PCSK5: variants seen among roughly 807,000 people sequenced by gnomAD.
PCSK5 encodes proprotein convertase subtilisin/kexin type 5.
Under a neutral mutation model 233.2 loss-of-function variants are expected in PCSK5, and 129 were observed. The observed-to-expected ratio is 0.55, with a 90% CI of 0.48 to 0.64. PCSK5 has a LOEUF of 0.64. Ranked by LOEUF, PCSK5 falls within the 30% of genes least tolerant of loss-of-function variation. PCSK5 has a pLI of 0.00. For synonymous variants in PCSK5, 825 were observed against 879.2 expected, an observed-to-expected ratio of 0.94 and a Z score of 1.09; for missense variants, 2,076 against 2,430.1, an observed-to-expected ratio of 0.85 and a Z score of 3.06.
chr9:76,062,349 G>A (rs557588519), intron 5 of PCSK5, among the ~76,000 whole-genome samples: 1 of 152,244 alleles, frequency 6.6e-6, no homozygotes, highest in Admixed American at 6.5e-5. Context: ...AGATATGACA[G>A]GGAAGAAATT....
intron 24 of PCSK5, among the ~76,000 whole-genome samples, chr9:76,253,478 AC>A (rs1826882803): frequency 6.6e-6 from 1 of 152,214 alleles, no homozygotes; most frequent in Non-Finnish European, 1.5e-5. Context: ...AAGACATAAA[AC>A]CTTTAAAAAA....
intron 20 of PCSK5, among the ~76,000 whole-genome samples, chr9:76,204,479 T>C (rs534818371): frequency 1.3e-5 from 2 of 151,970 alleles, no homozygotes; most frequent in South Asian, 4.2e-4. Context: ...CTTCTCTCTC[T>C]CTTTCTCTCC....
chr9:76,079,742 C>A (rs1374831840), intron 7 of PCSK5, among the ~76,000 whole-genome samples: 3 of 152,104 alleles, frequency 2.0e-5, no homozygotes. Context: ...TGTCTTGTTT[C>A]GGTTCTCAAG....
At chr9:76,206,151 G>T (rs1564107591) in intron 20 of PCSK5, among the ~76,000 whole-genome samples, 1 of 152,108 alleles carries the variant, frequency 6.6e-6, no homozygotes, top group Non-Finnish European at 1.5e-5. Flanking sequence ...ATCCGAGGTG[G>T]AATCTGAGAA....
chr9:76,295,349 G>C lies in PCSK5; in HGVS notation c.3260G>C (p.Ser1087Thr), dbSNP rs951516061. 6.2e-7 allele frequency: 1 copy of C among 1,612,190 alleles called. No homozygotes were observed. The highest frequency in any genetic ancestry group is 8.5e-7 in the Non-Finnish European group (1 of 1,179,330). ...GAAGTGGAATGCAAGGCGTGTGATA[G>C]TAACTGTGGCAGCTGTGACCAGAAT... ...SEEVECKACD[S>T]NCGSCDQNGC... The change falls in exon 26 of 38, where the codon AGT (serine) becomes ACT (threonine). Residue 1087 changes from serine to threonine, a missense_variant. Ser to Thr is a moderately conservative substitution (Grantham distance 58). Transcript: ENST00000674117.
intron 20 of PCSK5, among the ~76,000 whole-genome samples, chr9:76,206,917 G>T (rs1825137887): frequency 6.6e-6 from 1 of 152,068 alleles, no homozygotes; most frequent in African/African-American, 2.4e-5. Flanking sequence ...CAGCAATCAG[G>T]GTTTCAGTAG....
chr9:76,121,487 C>T (rs1272086328), intron 9 of PCSK5, among the ~76,000 whole-genome samples: 2 of 152,046 alleles, frequency 1.3e-5, no homozygotes, highest in Non-Finnish European at 2.9e-5. Flanking sequence ...TAGTTGTGTA[C>T]CTACAGCAGA....
chr9:75,926,377 TG>T (rs1823489708), intron 1 of PCSK5, among the ~76,000 whole-genome samples: 1 of 152,180 alleles, frequency 6.6e-6, no homozygotes, highest in Non-Finnish European at 1.5e-5. Context: ...AGCCCTAATT[TG>T]TGACCTTTGC....
chr9:76,102,999 A>AT, intron 8 of PCSK5, among the ~76,000 whole-genome samples: 1 of 152,162 alleles, frequency 6.6e-6, no homozygotes, highest in East Asian at 1.9e-4. Flanking sequence ...AAAATCTTCT[A>AT]TTTGTACTTC....
intron 10 of PCSK5, among the ~76,000 whole-genome samples, chr9:76,137,499 TC>T (rs1269334903): frequency 6.6e-6 from 1 of 152,124 alleles, no homozygotes; most frequent in East Asian, 1.9e-4. Context: ...AATTAAAATA[TC>T]TTTTCTGGTA....
intron 24 of PCSK5, among the ~76,000 whole-genome samples, chr9:76,256,278 C>T (rs779180110): frequency 8.5e-5 from 13 of 152,194 alleles, no homozygotes; most frequent in Admixed American, 1.3e-4. Context: ...CCCCCGGAGC[C>T]GGGTATAATC....
chr9:76,344,972 C>A (rs949563166), intron 35 of PCSK5, among the ~76,000 whole-genome samples: 2 of 152,082 alleles, frequency 1.3e-5, no homozygotes, highest in Non-Finnish European at 2.9e-5. Flanking sequence ...TGAAAAACAA[C>A]AAATTTTTTT....
At position 76,358,647 on chromosome 9, in the gene PCSK5, C is replaced by T. The variant is rs775532268; in HGVS notation, c.5389C>T (p.Arg1797Ter). Reference protein sequence around the residue: ...AVVVWKKSRGRVQPAAKAGYE... With the variant: ...AVVVWKKSRG ...GGTAGTGTGGAAGAAATCTCGTGGC[C>T]GAGTCCAGCCAGCAGCAAAGGCCGG... Residue 1797 changes from arginine to a stop codon, truncating the protein, a stop_gained, in exon 38 of 38, where the codon CGA becomes TGA. Coordinates refer to ENST00000674117, the MANE Select transcript of PCSK5 (RefSeq NM_001372043.1). LOFTEE classifies it high-confidence loss of function. 14 of 1,612,560 alleles carry T rather than the reference C, an allele frequency of 8.7e-6. No homozygotes were observed. The highest frequency in any genetic ancestry group is 1.1e-5 in the South Asian group (1 of 91,076).
intron 30 of PCSK5, among the ~76,000 whole-genome samples, chr9:76,314,148 A>G (rs1244747107): frequency 6.6e-6 from 1 of 152,230 alleles, no homozygotes; most frequent in Non-Finnish European, 1.5e-5. Context: ...GCTTTACTCA[A>G]GTTAGTTGAC....
chr9:76,025,797 GCATT>G (rs931543263), intron 4 of PCSK5, among the ~76,000 whole-genome samples: 7 of 152,068 alleles, frequency 4.6e-5, no homozygotes, highest in Non-Finnish European at 7.4e-5. Flanking sequence ...TTTGAAGTAA[GCATT>G]CATTAAGTAC....
At chr9:75,971,775 GT>G (rs143114049) in intron 2 of PCSK5, among the ~76,000 whole-genome samples, 29,765 of 148,466 alleles carry the variant, frequency 0.2, 3,531 homozygotes, top group East Asian at 0.47. Context: ...TTTTTAATAG[GT>G]TTTTTTTTTT....
At chr9:76,054,969 A>T (rs1310085635) in intron 5 of PCSK5, among the ~76,000 whole-genome samples, 1 of 152,174 alleles carries the variant, frequency 6.6e-6, no homozygotes, top group African/African-American at 2.4e-5. Context: ...ATCTATTATT[A>T]CTCAATACTA....
intron 5 of PCSK5, among the ~76,000 whole-genome samples, chr9:76,054,480 G>T (rs1474005486): frequency 2.6e-5 from 4 of 152,286 alleles, no homozygotes; most frequent in East Asian, 1.9e-4. Context: ...GATCTAGGCA[G>T]GGAAGGATAA....
chr9:76,326,228 A>T (rs1829354913), intron 32 of PCSK5, among the ~76,000 whole-genome samples: 1 of 152,070 alleles, frequency 6.6e-6, no homozygotes, highest in Non-Finnish European at 1.5e-5. Context: ...AAAAATAATT[A>T]TACAAAAATT....
Sources: allele counts gnomAD v4.1 joint callset (sites outside exome capture counted in the v4.1 genomes callset), GRCh38; gene constraint gnomAD v4.1.1; transcripts MANE v1.5; gene names NCBI Gene and HGNC (gene_info 2026-07-23, HGNC 2026-07-21).